Variants in BCL9 observed in about 807,000 individuals in gnomAD.
BCL9 encodes the protein BCL9 transcription coactivator.
BCL9 carries 25 observed loss-of-function variants against 88.5 expected under a neutral mutation model. The ratio of observed to expected loss-of-function variants is 0.28; its 90% confidence interval spans 0.21 to 0.39. The LOEUF (loss-of-function observed/expected upper bound fraction) is 0.39. BCL9 is among the 10% of genes least tolerant of loss of function. The pLI, the probability that BCL9 is intolerant of heterozygous loss-of-function variation, is 1.00. For missense variants in BCL9, 1,817 were observed against 1,877.8 expected (o/e 0.97, Z 0.60); for synonymous variants, 711 against 673.3 (o/e 1.06, Z -0.87).
At chr1:147,570,761 G>A (rs1351880051) in intron 1 of BCL9, among the ~76,000 whole-genome samples, 8 of 149,692 alleles carry the variant, frequency 5.3e-5, no homozygotes, top group Non-Finnish European at 7.4e-5. Context: ...TCAACCTCCC[G>A]AGTAGCTGGG....
Position 147,615,844 on chromosome 1 carries a change from T to G in BCL9, c.602T>G (p.Val201Gly). 1 of 1,614,174 alleles carries G rather than the reference T, an allele frequency of 6.2e-7. No individual in the cohort carries two copies. The highest frequency in any genetic ancestry group is 8.5e-7 in the Non-Finnish European group (1 of 1,180,012). Residue 201 changes from valine (V) to glycine (G), a missense_variant, in exon 7 of 10, where the codon GTC (valine) becomes GGC (glycine). By Grantham distance (109) the Val-to-Gly change is moderately radical. Coordinates refer to ENST00000234739, the MANE Select transcript of BCL9 (RefSeq NM_004326.4). ...AVLKGQVETI[V>G]SFHIQNISNN... The stretch of plus-strand genomic sequence containing the variant: ...TTGAAGGGCCAGGTTGAAACTATCG[T>G]CTCTTTCCACATCCAGAACATTTCT...
At chr1:147,556,696 A>G (rs1655131323) in intron 1 of BCL9, among the ~76,000 whole-genome samples, 2 of 150,112 alleles carry the variant, frequency 1.3e-5, no homozygotes, top group African/African-American at 4.9e-5. Context: ...TGATCCTCCC[A>G]CCTTGGCCCC....
At chr1:147,569,678 AAG>A (rs1427417136) in intron 1 of BCL9, among the ~76,000 whole-genome samples, 1 of 150,574 alleles carries the variant, frequency 6.6e-6, no homozygotes, top group Admixed American at 6.6e-5. Context: ...AAGAAGAAAA[AAG>A]AAATCATTCT....
At position 147,620,012 on chromosome 1, in the gene BCL9, A is replaced by T. The variant is rs1658525583; in HGVS notation, c.1857A>T (p.Glu619Asp). ...TTTTCAGCGGTCCTGGCCGAGGGGAACGCTTCCCAAACCCCCAAGGATTGT... is the reference window on the plus strand; with the variant it reads ...TTTTCAGCGGTCCTGGCCGAGGGGATCGCTTCCCAAACCCCCAAGGATTGT... Reference protein sequence around the residue: ...QGIFSGPGRGERFPNPQGLSE... With the variant: ...QGIFSGPGRGDRFPNPQGLSE... The change falls in exon 8 of 10, where the codon GAA (glutamate) becomes GAT (aspartate). Residue 619 changes from glutamate (E) to aspartate (D), a missense_variant. Coordinates refer to ENST00000234739, the MANE Select transcript of BCL9 (RefSeq NM_004326.4). The T allele has an allele frequency of 6.2e-7, 1 of 1,614,080 alleles. No individual in the cohort carries two copies. The highest frequency in any genetic ancestry group is 1.7e-5 in the Admixed American group (1 of 60,026).
chr1:147,622,809 T>C (rs1382798807), intron 9 of BCL9, among the ~76,000 whole-genome samples: 3 of 152,196 alleles, frequency 2.0e-5, no homozygotes, highest in African/African-American at 7.2e-5. Flanking sequence ...TGTTTTTGTT[T>C]TTCTCTTTGG....
chr1:147,545,792 T>G (rs1228571853), intron 1 of BCL9, among the ~76,000 whole-genome samples: 1 of 152,206 alleles, frequency 6.6e-6, no homozygotes, highest in Non-Finnish European at 1.5e-5. Flanking sequence ...CCTTGACATT[T>G]TAATGCACTT....
chr1:147,591,341 T>C (rs782011043), intron 1 of BCL9, among the ~76,000 whole-genome samples: 15 of 152,184 alleles, frequency 9.9e-5, no homozygotes, highest in Non-Finnish European at 1.6e-4. Context: ...ACACATACAT[T>C]GAAGAGAGGC....
chr1:147,548,499 T>A (rs1408579935), intron 1 of BCL9, among the ~76,000 whole-genome samples: 3 of 152,222 alleles, frequency 2.0e-5, no homozygotes, highest in Non-Finnish European at 4.4e-5. Context: ...ATGTCATTCC[T>A]GCTCTACCAC....
intron 1 of BCL9, among the ~76,000 whole-genome samples, chr1:147,586,903 C>T (rs1656628720): frequency 6.6e-6 from 1 of 152,052 alleles, no homozygotes; most frequent in Non-Finnish European, 1.5e-5. Context: ...CAATTCCAGG[C>T]CCATCTCCTG....
chr1:147,622,625 GGAAGTTCAACAAGT>G, intron 9 of BCL9, 94 bp downstream of exon 9: 1 of 1,472,642 alleles, frequency 6.8e-7, no homozygotes. Context: ...CTGAATAGGT[GGAAGTTCAACAAGT>G]AGAAAAAATC....
rs1462030980 is a variant in BCL9 at position 147,625,264 on chromosome 1, T to A, written c.*305T>A. 2 of 377,056 alleles carry A rather than the reference T, an allele frequency of 5.3e-6. No individual in the cohort carries two copies. The highest frequency in any genetic ancestry group is 9.7e-6 in the Non-Finnish European group (2 of 206,638). 23.4% of individuals were successfully genotyped at this position (377,056 alleles called of 1,614,324 possible). A position where few individuals can be genotyped will look rare whatever the true frequency, so the allele number is the denominator to read the frequency against. On this transcript the variant is annotated 3_prime_UTR_variant, in exon 10 of 10. Coordinates refer to ENST00000234739, the MANE Select transcript of BCL9 (RefSeq NM_004326.4). ...GCTGTGCTTTGAGAATTGCCATCGG[T>A]CATGTGTTGCACCGTTCTCTGTATG...
chr1:147,601,889 TTTATTA>T (rs1463493046), intron 1 of BCL9, among the ~76,000 whole-genome samples: 1 of 151,946 alleles, frequency 6.6e-6, no homozygotes, highest in Non-Finnish European at 1.5e-5. Context: ...TTTTATTTTA[TTTATTA>T]TTATTTTTAT....
intron 1 of BCL9, among the ~76,000 whole-genome samples, chr1:147,574,856 T>C (rs1656038432): frequency 6.6e-6 from 1 of 152,182 alleles, no homozygotes; most frequent in African/African-American, 2.4e-5. Context: ...CCTACCTCAG[T>C]GGCCAAGGTG....
At chr1:147,607,203 A>G (rs1657759547) in intron 3 of BCL9, among the ~76,000 whole-genome samples, 1 of 152,202 alleles carries the variant, frequency 6.6e-6, no homozygotes, top group Admixed American at 6.5e-5. Context: ...TGCATTGTGC[A>G]TATATACCAC....
chr1:147,592,975 C>T (rs1009720015), intron 1 of BCL9, among the ~76,000 whole-genome samples: 1 of 152,178 alleles, frequency 6.6e-6, no homozygotes, highest in African/African-American at 2.4e-5. Context: ...GGTTTCCACC[C>T]TGAAGTGGGT....
chr1:147,600,105 A>AG (rs1347747866), intron 1 of BCL9: 3 of 7,586 alleles, frequency 4.0e-4, no homozygotes, highest in African/African-American at 1.8e-3. Context: ...AAGGGAGGGA[A>AG]GGGGCGGGAC....
chr1:147,624,526 G>C lies in BCL9; in HGVS notation c.3848G>C (p.Arg1283Thr). ...MQGMMGEQAP[R>T]MGLALPGMGG... ...GGGATGATGGGCGAACAAGCCCCCA[G>C]AATGGGACTAGCATTACCTGGCATG... is the stretch of plus-strand genomic sequence containing the variant. Residue 1283 changes from arginine (R) to threonine (T), a missense_variant, in exon 10 of 10, where the codon AGA (arginine) becomes ACA (threonine). Transcript: ENST00000234739. This position sits in a 1 kb window ranked among gnomAD's most constrained non-coding sequence, Gnocchi z 4.4. 1.2e-6 allele frequency: 2 copies of C among 1,614,166 alleles called. No individual in the cohort carries two copies. The highest frequency in any genetic ancestry group is 1.7e-6 in the Non-Finnish European group (2 of 1,180,022).
intron 8 of BCL9, among the ~76,000 whole-genome samples, chr1:147,621,787 C>CTTGGTT (rs1553205448): frequency 6.6e-6 from 1 of 152,110 alleles, no homozygotes; most frequent in Admixed American, 6.5e-5. Flanking sequence ...GGAACAGCCC[C>CTTGGTT]CTCAGACCTT....
At chr1:147,566,001 C>A (rs1170637940) in intron 1 of BCL9, among the ~76,000 whole-genome samples, 3 of 152,154 alleles carry the variant, frequency 2.0e-5, no homozygotes, top group African/African-American at 7.2e-5. Flanking sequence ...CTGTTTCTTA[C>A]AATTATTTTC....
Sources: allele counts gnomAD v4.1 joint callset (sites outside exome capture counted in the v4.1 genomes callset), GRCh38; gene constraint gnomAD v4.1.1; non-coding constraint Gnocchi (gnomAD v3.1); transcripts MANE v1.5; gene names NCBI Gene and HGNC (gene_info 2026-07-23, HGNC 2026-07-21).